CELSR1: variants seen among roughly 807,000 people sequenced by gnomAD.
CELSR1 encodes the protein adhesion G protein-coupled receptor C1.
CELSR1 carries 110 observed loss-of-function variants against 249.1 expected under a neutral mutation model. The observed-to-expected ratio is 0.44, with a 90% CI of 0.38 to 0.52. CELSR1 has a LOEUF of 0.52. CELSR1 is among the 20% of genes least tolerant of loss of function. The pLI, the probability that CELSR1 is intolerant of heterozygous loss-of-function variation, is 0.00. For missense variants in CELSR1, 4,109 were observed against 4,296.4 expected (o/e 0.96, Z 1.22); for synonymous variants, 2,113 against 1,900.0 (o/e 1.11, Z -2.92).
rs1310588832 is a variant in CELSR1 at position 46,430,422 on chromosome 22, G to A, written c.4611+2971C>T. ...CCGTCTGCATCAGCCAAGGCAGGCA[G>A]GGACGCGTGTGCAGGGGGGTTCCCT... is the stretch of plus-strand genomic sequence containing the variant. On this transcript the variant is annotated intron_variant, in intron 5 of 34. Transcript: ENST00000674500. This position sits in a 1 kb window ranked among gnomAD's most constrained non-coding sequence, Gnocchi z 4.6. 1.3e-5 allele frequency among the ~76,000 whole-genome samples: 2 copies of A among 152,100 alleles called. No homozygotes were observed. The highest frequency in any genetic ancestry group is 6.5e-5 in the Admixed American group (1 of 15,286).
intron 5 of CELSR1, among the ~76,000 whole-genome samples, chr22:46,431,998 C>T (rs548294571): frequency 2.8e-4 from 42 of 152,334 alleles, no homozygotes; most frequent in Admixed American, 1.7e-3. Context: ...TCCCCCCAAA[C>T]CCCGAGCAAG....
chr22:46,511,250 CAG>C (rs4044200), intron 1 of CELSR1, among the ~76,000 whole-genome samples: 88,326 of 151,866 alleles, frequency 0.58, 27,413 homozygotes, highest in East Asian at 0.77. Flanking sequence ...ATGATTCACA[CAG>C]AGAAAAAGCA....
intron 2 of CELSR1, among the ~76,000 whole-genome samples, chr22:46,457,344 G>A (rs1049331840): frequency 1.3e-5 from 2 of 151,702 alleles, no homozygotes; most frequent in African/African-American, 2.4e-5. Context: ...GACTCATCTC[G>A]GGGGCGGGGA....
At position 46,364,297 on chromosome 22, in the gene CELSR1, G is replaced by A. The variant is rs200584557; in HGVS notation, c.8780-46C>T. On this transcript the variant is annotated intron_variant, in intron 33 of 34. Transcript: ENST00000674500. ...AAGGTCAAGTCCGGGTGATGCTGCCGGGGGCAGCTGCTGGGCCGTGTGCAG... is the reference window on the plus strand; with the variant it reads ...AAGGTCAAGTCCGGGTGATGCTGCCAGGGGCAGCTGCTGGGCCGTGTGCAG... 546 of 1,590,418 alleles carry A rather than the reference G, an allele frequency of 3.4e-4. 2 individuals are homozygous for A. In the African/African-American group the frequency reaches 4.9e-3, roughly 14 times the overall value.
At chr22:46,511,615 C>T (rs1283148649) in intron 1 of CELSR1, among the ~76,000 whole-genome samples, 1 of 152,238 alleles carries the variant, frequency 6.6e-6, no homozygotes, top group Non-Finnish European at 1.5e-5. Flanking sequence ...ACTTGAGAAG[C>T]TCAGGGCAGT....
Position 46,457,283 on chromosome 22 carries a change from T to C in CELSR1, c.4183+6424A>G, listed in dbSNP as rs150946694. Among the ~76,000 whole-genome samples, 875 of 151,754 alleles carry C rather than the reference T, an allele frequency of 5.8e-3. 10 individuals carry two copies. Among genetic ancestry groups the C allele is most frequent in the Admixed American group, 0.022 (330 of 15,238 alleles). On this transcript the variant is annotated intron_variant, in intron 2 of 34. Coordinates refer to ENST00000674500, the MANE Select transcript of CELSR1 (RefSeq NM_001378328.1). ...TTACTTGAACTCAGGAGGCAGAGGC[T>C]GCAGTGAGCCAAGGTTGTGCCACTG...
chr22:46,409,514 G>A lies in CELSR1; in HGVS notation c.5059+241C>T, dbSNP rs1021035045. On this transcript the variant is annotated intron_variant, in intron 8 of 34. Coordinates refer to ENST00000674500, the MANE Select transcript of CELSR1 (RefSeq NM_001378328.1). The surrounding 1 kb of genome is among the most constrained non-coding windows in gnomAD (Gnocchi z 9.8). The stretch of plus-strand genomic sequence containing the variant: ...TGGGGTGCTGGGGCTGGGCTCTGCC[G>A]GCCCAGCCTACCTGTCCCACCCCAC... 1.3e-5 allele frequency among the ~76,000 whole-genome samples: 2 copies of A among 152,102 alleles called. No individual in the cohort carries two copies. Among genetic ancestry groups the A allele is most frequent in the Non-Finnish European group, 2.9e-5 (2 of 68,010 alleles).
At position 46,472,440 on chromosome 22, in the gene CELSR1, G is replaced by A. The variant is rs564402904; in HGVS notation, c.3545-8095C>T. On this transcript the variant is annotated intron_variant, in intron 1 of 34. Transcript: ENST00000674500. This position sits in a 1 kb window ranked among gnomAD's most constrained non-coding sequence, Gnocchi z 7.0. ...GGACAGTGCCGCAGTTCCGAGACTCGGTGGCAGGTGATTGGCGGCTGTGGG... is the reference window on the plus strand; with the variant it reads ...GGACAGTGCCGCAGTTCCGAGACTCAGTGGCAGGTGATTGGCGGCTGTGGG... Among the ~76,000 whole-genome samples, 102 of 152,278 alleles carry A rather than the reference G, an allele frequency of 6.7e-4. No individual in the cohort carries two copies. Among genetic ancestry groups the A allele is most frequent in the African/African-American group, 2.1e-3 (88 of 41,568 alleles).
In CELSR1 at chr22:46,506,487, C is replaced by T. The variant is rs146940099; in HGVS notation, c.3544+27140G>A. On this transcript the variant is annotated intron_variant, in intron 1 of 34. Coordinates refer to ENST00000674500, the MANE Select transcript of CELSR1 (RefSeq NM_001378328.1). The surrounding 1 kb of genome is among the most constrained non-coding windows in gnomAD (Gnocchi z 4.1). ...CAGTCCAGCAAGAGTCCAGCCCAAC[C>T]GGCCCTGCCTCAGGTCTGCGTTCTG... is the stretch of plus-strand genomic sequence containing the variant. Among the ~76,000 whole-genome samples, 611 of 152,310 alleles carry T rather than the reference C, an allele frequency of 4.0e-3. No homozygotes were observed. Among genetic ancestry groups the T allele is most frequent in the African/African-American group, 0.011 (457 of 41,570 alleles).
At position 46,409,263 on chromosome 22, in the gene CELSR1, C is replaced by G. The variant is rs777958215; in HGVS notation, c.5060-101G>C. Reference sequence around the variant, plus strand: ...ATGGGCCTGCAGGCTAGGCCTGGGCCTTTTTCACTTTAACACGAAGGTGGG... The same window carrying G: ...ATGGGCCTGCAGGCTAGGCCTGGGCGTTTTTCACTTTAACACGAAGGTGGG... On this transcript the variant is annotated intron_variant, in intron 8 of 34. Transcript: ENST00000674500. The surrounding 1 kb of genome is among the most constrained non-coding windows in gnomAD (Gnocchi z 9.8). The G allele has an allele frequency of 4.0e-5, 50 of 1,258,990 alleles. No individual in the cohort carries two copies. The highest frequency in any genetic ancestry group is 5.4e-5 in the Non-Finnish European group (49 of 908,618). The allele number at this position is 1,258,990 out of a possible 1,614,324, so 78.0% of individuals were successfully genotyped here. A position where few individuals can be genotyped will look rare whatever the true frequency, so the allele number is the denominator to read the frequency against.
chr22:46,368,228 G>A (rs1015468405), intron 27 of CELSR1, among the ~76,000 whole-genome samples: 1 of 152,166 alleles, frequency 6.6e-6, no homozygotes, highest in Admixed American at 6.5e-5. Flanking sequence ...CTTGAGCTGT[G>A]ACCCTGCAAT....
In CELSR1 at chr22:46,390,341, C is replaced by T. The variant is rs1352794658; in HGVS notation, c.6345+51G>A. 2 of 1,430,866 alleles carry T rather than the reference C, an allele frequency of 1.4e-6. No individual in the cohort carries two copies. Among genetic ancestry groups the T allele is most frequent in the African/African-American group, 1.4e-5 (1 of 69,830 alleles). 88.6% of individuals were successfully genotyped at this position (1,430,866 alleles called of 1,614,324 possible). A position where few individuals can be genotyped will look rare whatever the true frequency, so the allele number is the denominator to read the frequency against. ...GCCCACACAAACTCTCTCACGCATA[C>T]ACGAACACACACGTGCCCCTGCTGA... On this transcript the variant is annotated intron_variant, in intron 17 of 34. Transcript: ENST00000674500. This position sits in a 1 kb window ranked among gnomAD's most constrained non-coding sequence, Gnocchi z 6.3.
rs187562129 is a variant in CELSR1, at chr22:46,386,092, C to A, written c.6739+310G>T. 1.1e-3 allele frequency among the ~76,000 whole-genome samples: 165 copies of A among 152,130 alleles called. 1 individual carries two copies. In the Middle Eastern group the frequency reaches 0.017, roughly 16 times the overall value. On this transcript the variant is annotated intron_variant, in intron 19 of 34. Coordinates refer to ENST00000674500, the MANE Select transcript of CELSR1 (RefSeq NM_001378328.1). ...TCAAGTGATTCTCCTTCCTCAGCCT[C>A]CTGAGTAGCTGGGATTACAGGCATG...
Position 46,527,865 on chromosome 22 carries a change from G to T in CELSR1, c.3544+5762C>A, listed in dbSNP as rs565940727. ...AATCCCAGCATTTTGGGAGGCTGAG[G>T]CGGGCGGATAGCCTGAGGTCAGGAG... On this transcript the variant is annotated intron_variant, in intron 1 of 34. Transcript: ENST00000674500. The surrounding 1 kb of genome is among the most constrained non-coding windows in gnomAD (Gnocchi z 5.5). 6.6e-6 allele frequency among the ~76,000 whole-genome samples: 1 copy of T among 152,198 alleles called. No homozygotes were observed. The highest frequency in any genetic ancestry group is 1.5e-5 in the Non-Finnish European group (1 of 68,044).
intron 25 of CELSR1, chr22:46,370,154 G>C (rs1394109689): frequency 4.3e-6 from 2 of 468,644 alleles, no homozygotes; most frequent in Non-Finnish European, 8.5e-6. Context: ...GACCCTGCCA[G>C]CTGGGCCATG....
chr22:46,373,587 G>T (rs1258803068), intron 24 of CELSR1, among the ~76,000 whole-genome samples: 4 of 149,642 alleles, frequency 2.7e-5, no homozygotes, highest in African/African-American at 1.0e-4. Context: ...GCTGCCGCCA[G>T]CTGGGAGAGG....
chr22:46,371,413 G>A (rs933170207), intron 25 of CELSR1, among the ~76,000 whole-genome samples: 1 of 152,156 alleles, frequency 6.6e-6, no homozygotes, highest in African/African-American at 2.4e-5. Context: ...CCCAGGAAAA[G>A]GGGTTCTTCT....
In CELSR1 at chr22:46,381,382, G is replaced by T. The variant is rs1480251978; in HGVS notation, c.7089-427C>A. ...GAGCCAGGGAAGTATCTGGGAAATGGCAGGAAGAAGGAGGGCGGAGCCTTG... is the reference window on the plus strand; with the variant it reads ...GAGCCAGGGAAGTATCTGGGAAATGTCAGGAAGAAGGAGGGCGGAGCCTTG... On this transcript the variant is annotated intron_variant, in intron 21 of 34. Transcript: ENST00000674500. This position sits in a 1 kb window ranked among gnomAD's most constrained non-coding sequence, Gnocchi z 6.0. Among the ~76,000 whole-genome samples, 1 of 152,174 alleles carries T rather than the reference G, an allele frequency of 6.6e-6. No homozygotes were observed. The highest frequency in any genetic ancestry group is 1.5e-5 in the Non-Finnish European group (1 of 68,032).
At position 46,468,081 on chromosome 22, in the gene CELSR1, T is replaced by C. The variant is rs117772367; in HGVS notation, c.3545-3736A>G. Among the ~76,000 whole-genome samples the C allele has an allele frequency of 3.6e-3, 553 of 151,842 alleles. 4 individuals are homozygous for C. Among genetic ancestry groups the C allele is most frequent in the Non-Finnish European group, 6.7e-3 (454 of 67,928 alleles). Reference sequence around the variant, plus strand: ...GAAGTGACCTGCGTCCACCGACAGATTAACGGATTAAAACAATGTGGTCTG... The same window carrying C: ...GAAGTGACCTGCGTCCACCGACAGACTAACGGATTAAAACAATGTGGTCTG... On this transcript the variant is annotated intron_variant, in intron 1 of 34. Coordinates refer to ENST00000674500, the MANE Select transcript of CELSR1 (RefSeq NM_001378328.1). This position sits in a 1 kb window ranked among gnomAD's most constrained non-coding sequence, Gnocchi z 4.5.
Sources: gnomAD v4.1 joint callset for allele counts (sites outside exome capture counted in the v4.1 genomes callset) on GRCh38, gnomAD v4.1.1 for gene constraint, Gnocchi (gnomAD v3.1) non-coding constraint, MANE v1.5 for transcripts, NCBI Gene and HGNC (gene_info 2026-07-23, HGNC 2026-07-21) for gene names.